Variants in AFTPH observed in about 807,000 individuals in gnomAD.
The protein encoded by AFTPH is aftiphilin protein.
In AFTPH, 7 loss-of-function variants were observed where a neutral mutation model predicts 72.5. The ratio of observed to expected loss-of-function variants is 0.10; its 90% CI spans 0.05 to 0.18. The LOEUF is 0.18. Ranked by LOEUF, AFTPH falls within the 10% of genes least tolerant of loss-of-function variation. AFTPH has a pLI of 1.00. For synonymous variants in AFTPH, 337 were observed against 370.1 expected (o/e 0.91, Z 1.03); for missense variants, 979 against 1,060.5 (o/e 0.92, Z 1.07).
intron 1 of AFTPH, among the ~76,000 whole-genome samples, chr2:64,550,703 A>G (rs1381888719): frequency 6.6e-6 from 1 of 150,860 alleles, no homozygotes; most frequent in African/African-American, 2.4e-5. Flanking sequence ...ACACACACAC[A>G]CACACACACA....
At chr2:64,529,625 A>AG (rs1180432429) in intron 1 of AFTPH, among the ~76,000 whole-genome samples, 3 of 142,216 alleles carry the variant, frequency 2.1e-5, no homozygotes, top group African/African-American at 5.4e-5. Flanking sequence ...GCAAAAAAAA[A>AG]CAAATCACTT....
intron 1 of AFTPH, among the ~76,000 whole-genome samples, chr2:64,533,206 T>TG (rs1669720994): frequency 1.3e-5 from 2 of 152,126 alleles, no homozygotes; most frequent in African/African-American, 4.8e-5. Context: ...GAGACCAGCC[T>TG]GGGCAACATG....
chr2:64,570,188 C>G (rs1235051433), intron 5 of AFTPH, among the ~76,000 whole-genome samples: 1 of 152,066 alleles, frequency 6.6e-6, no homozygotes, highest in Non-Finnish European at 1.5e-5. Flanking sequence ...TTCAGATATG[C>G]CAGGTAGTCC....
intron 1 of AFTPH, among the ~76,000 whole-genome samples, chr2:64,535,718 G>T (rs1669848451): frequency 6.6e-6 from 1 of 152,148 alleles, no homozygotes; most frequent in Admixed American, 6.5e-5. Context: ...AATTTTGAAG[G>T]CTTAGTCAGT....
At chr2:64,575,703 ATGTGTGTGTGTG>A (rs149890368) in intron 6 of AFTPH, among the ~76,000 whole-genome samples, 7,168 of 145,746 alleles carry the variant, frequency 0.049, 426 homozygotes, top group African/African-American at 0.13. Flanking sequence ...ATGTGTGTAT[ATGTGTGTGTGTG>A]TGTGTGTGTG....
At chr2:64,579,707 C>G (rs542731622) in intron 7 of AFTPH, 161 bp downstream of exon 7, 1 of 573,536 alleles carries the variant, frequency 1.7e-6, no homozygotes, top group South Asian at 2.8e-5. Flanking sequence ...GCTCAAGAAA[C>G]CAGCCGTTAC....
chr2:64,562,004 T>G (rs1019305731), intron 2 of AFTPH, among the ~76,000 whole-genome samples: 1 of 152,162 alleles, frequency 6.6e-6, no homozygotes, highest in Non-Finnish European at 1.5e-5. Flanking sequence ...GAATGTAGGC[T>G]TTGGAGTCAG....
At chr2:64,574,671 T>A (rs968440492) in intron 6 of AFTPH, among the ~76,000 whole-genome samples, 2 of 152,246 alleles carry the variant, frequency 1.3e-5, no homozygotes, top group African/African-American at 4.8e-5. Context: ...TGAAGCCAGC[T>A]TATTACTAGC....
intron 3 of AFTPH, 120 bp downstream of exon 3, chr2:64,567,833 G>A: frequency 9.1e-7 from 1 of 1,094,648 alleles, no homozygotes. Flanking sequence ...CTGAGGTCAG[G>A]AGTTTGAGAC....
At chr2:64,574,102 C>T (rs766136879) in intron 6 of AFTPH, among the ~76,000 whole-genome samples, 3 of 152,214 alleles carry the variant, frequency 2.0e-5, no homozygotes, top group Non-Finnish European at 2.9e-5. Context: ...CTTTCCATAT[C>T]AAGTTACAAA....
Position 64,553,029 on chromosome 2 carries a change from G to A in AFTPH, c.1555G>A (p.Gly519Arg), listed in dbSNP as rs768572194. ...ATGTCAATTGGCAAGAAAATCTAGT[G>A]GAACAGGCACTGAACCTGTTGCAAA... Residue 519 changes from glycine (G) to arginine (R), a missense_variant, in exon 2 of 9, where the codon GGA (glycine) becomes AGA (arginine). Physicochemically the swap from Gly to Arg is moderately radical, Grantham distance 125. This residue lies in a region of AFTPH where 438 missense variants were observed against 530.0 expected (regional missense o/e 0.83). Transcript: ENST00000238856. 49 of 1,613,976 alleles carry A rather than the reference G, an allele frequency of 3.0e-5. No homozygotes were observed. The highest frequency in any genetic ancestry group is 4.0e-5 in the Non-Finnish European group (47 of 1,179,990).
intron 7 of AFTPH, among the ~76,000 whole-genome samples, chr2:64,581,574 A>G (rs908528336): frequency 2.0e-5 from 3 of 152,112 alleles, no homozygotes; most frequent in Admixed American, 6.6e-5. Context: ...GGAAAATGTG[A>G]TATTTTATAT....
chr2:64,531,974 CCT>C (rs1465659384), intron 1 of AFTPH, among the ~76,000 whole-genome samples: 1 of 152,130 alleles, frequency 6.6e-6, no homozygotes, highest in Non-Finnish European at 1.5e-5. Flanking sequence ...TACATTTAAA[CCT>C]CTCAATATAT....
chr2:64,589,944 TGGGGGGG>T (rs55695023), intron 8 of AFTPH, among the ~76,000 whole-genome samples: 1 of 127,524 alleles, frequency 7.8e-6, no homozygotes, highest in East Asian at 2.6e-4. Context: ...AATACATATA[TGGGGGGG>T]GGGGGGGGGT....
chr2:64,581,330 C>A, intron 7 of AFTPH, 57 bp downstream of exon 8: 1 of 1,405,140 alleles, frequency 7.1e-7, no homozygotes. Context: ...ATGACCACAT[C>A]ACTTGACTTT....
intron 2 of AFTPH, among the ~76,000 whole-genome samples, chr2:64,564,791 C>T (rs986202061): frequency 4.6e-5 from 7 of 151,722 alleles, no homozygotes; most frequent in Non-Finnish European, 1.0e-4. Context: ...GTGAGAAACT[C>T]ATTACAGGAT....
intron 1 of AFTPH, among the ~76,000 whole-genome samples, chr2:64,546,570 C>CT (rs889099703): frequency 1.1e-3 from 160 of 148,742 alleles, no homozygotes; most frequent in African/African-American, 2.3e-3. Context: ...TCTTTGAATG[C>CT]TTTTTTTTTT....
At chr2:64,548,414 A>AG (rs1378043653) in intron 1 of AFTPH, among the ~76,000 whole-genome samples, 22 of 148,394 alleles carry the variant, frequency 1.5e-4, no homozygotes, top group East Asian at 2.0e-4. Flanking sequence ...AAAGAAAAAA[A>AG]AAAAAAAAAA....
intron 1 of AFTPH, among the ~76,000 whole-genome samples, chr2:64,539,007 A>G (rs928369501): frequency 6.6e-6 from 1 of 152,208 alleles, no homozygotes; most frequent in South Asian, 2.1e-4. Context: ...GAAAGTCCAC[A>G]CAGTAGTTTG....
Sources: allele counts gnomAD v4.1 joint callset (sites outside exome capture counted in the v4.1 genomes callset), GRCh38; gene constraint gnomAD v4.1.1; regional missense constraint gnomAD v4.1.1; transcripts MANE v1.5; gene names NCBI Gene and HGNC (gene_info 2026-07-23, HGNC 2026-07-21).